RORA: variants seen among roughly 807,000 people sequenced by gnomAD.
RORA encodes the protein RAR related orphan receptor A.
A neutral mutation model predicts 69.5 loss-of-function variants in RORA; 7 were observed. The observed-to-expected ratio is 0.10, with a 90% confidence interval of 0.06 to 0.19. The LOEUF (loss-of-function observed/expected upper bound fraction) is 0.19, where lower values mean the gene tolerates loss of function less well. Among genes scored for constraint, RORA ranks in the 10% least tolerant of loss-of-function variants. RORA has a pLI of 1.00. For missense variants in RORA, 457 were observed against 663.0 expected, an observed-to-expected ratio of 0.69 and a Z score of 3.41; for synonymous variants, 261 against 240.8, an observed-to-expected ratio of 1.08 and a Z score of -0.78.
At chr15:61,039,035 A>G (rs1463550558) in intron 1 of RORA, 1 of 152,236 alleles carries the variant, frequency 6.6e-6, no homozygotes, top group Non-Finnish European at 1.5e-5. Flanking sequence ...TGGGAGACTC[A>G]CGGGATATTT....
At chr15:60,558,656 T>G (rs2067442417) in intron 2 of RORA, among the ~76,000 whole-genome samples, 1 of 152,238 alleles carries the variant, frequency 6.6e-6, no homozygotes, top group Admixed American at 6.5e-5. Context: ...GAATACCACC[T>G]TAAAACCTAT....
At chr15:60,733,862 C>G (rs1214680115) in intron 1 of RORA, among the ~76,000 whole-genome samples, 1 of 143,420 alleles carries the variant, frequency 7.0e-6, no homozygotes, top group Non-Finnish European at 1.5e-5. Flanking sequence ...TTGAGTTGCC[C>G]AACTTATGTG....
intron 1 of RORA, among the ~76,000 whole-genome samples, chr15:61,056,848 T>C (rs2078103658): frequency 6.6e-6 from 1 of 152,206 alleles, no homozygotes; most frequent in Admixed American, 6.5e-5. Context: ...CAGATAAAAA[T>C]ACCTGATGTG....
At chr15:60,995,461 G>A (rs1454124185) in intron 1 of RORA, among the ~76,000 whole-genome samples, 2 of 152,162 alleles carry the variant, frequency 1.3e-5, no homozygotes, top group Non-Finnish European at 2.9e-5. Flanking sequence ...CTTGGAAGAA[G>A]CATCTTCCTC....
Position 60,537,268 on chromosome 15 carries a change from A to C in RORA, c.197-5417T>G, listed in dbSNP as rs981815527. ...TCAGGGCTTCTAAAGATGGTCATGC[A>C]GGTTGTGCTCTGCCCAGTGCGGCCT... On this transcript the variant is annotated intron_variant, in intron 2 of 10. Coordinates refer to ENST00000335670, the MANE Select transcript of RORA (RefSeq NM_134261.3). This position sits in a 1 kb window ranked among gnomAD's most constrained non-coding sequence, Gnocchi z 4.9. Among the ~76,000 whole-genome samples, 1 of 152,176 alleles carries C rather than the reference A, an allele frequency of 6.6e-6. No individual in the cohort carries two copies. The highest frequency in any genetic ancestry group is 2.1e-4 in the South Asian group (1 of 4,820).
intron 1 of RORA, among the ~76,000 whole-genome samples, chr15:61,136,769 A>G (rs1267191296): frequency 6.6e-6 from 1 of 152,160 alleles, no homozygotes; most frequent in East Asian, 1.9e-4. Context: ...ATTCCACGGC[A>G]AAGCATTTGA....
chr15:61,137,981 C>T (rs1157359803), intron 1 of RORA, among the ~76,000 whole-genome samples: 4 of 152,156 alleles, frequency 2.6e-5, no homozygotes, highest in African/African-American at 4.8e-5. Flanking sequence ...AAGAGACATA[C>T]AGGGGGCCAT....
intron 1 of RORA, among the ~76,000 whole-genome samples, chr15:60,681,129 A>T (rs2070636443): frequency 6.6e-6 from 1 of 152,234 alleles, no homozygotes; most frequent in South Asian, 2.1e-4. Context: ...TTCTCCATAG[A>T]AGCTCTAGTA....
intron 2 of RORA, among the ~76,000 whole-genome samples, chr15:60,624,513 G>GTA (rs60245502): frequency 0.3 from 32,075 of 108,008 alleles, 4,419 homozygotes; most frequent in East Asian, 0.45. Flanking sequence ...GTATGTGTGT[G>GTA]TATATATATA....
At chr15:60,724,378 G>A (rs966044217) in intron 1 of RORA, among the ~76,000 whole-genome samples, 2 of 152,054 alleles carry the variant, frequency 1.3e-5, no homozygotes, top group Non-Finnish European at 2.9e-5. Context: ...CCCTATCATA[G>A]TAAAGGAAAA....
intron 5 of RORA, among the ~76,000 whole-genome samples, chr15:60,509,366 C>T (rs1423773363): frequency 6.6e-6 from 1 of 152,116 alleles, no homozygotes; most frequent in Non-Finnish European, 1.5e-5. Flanking sequence ...TGAAAAATCC[C>T]TAATTTAAAA....
intron 2 of RORA, among the ~76,000 whole-genome samples, chr15:60,622,234 C>A (rs2069431097): frequency 6.6e-6 from 1 of 152,114 alleles, no homozygotes; most frequent in Non-Finnish European, 1.5e-5. Context: ...ACACTTGCAA[C>A]TTTTCTATAA....
intron 1 of RORA, among the ~76,000 whole-genome samples, chr15:61,010,764 C>T (rs1232641157): frequency 6.6e-6 from 1 of 152,116 alleles, no homozygotes; most frequent in Non-Finnish European, 1.5e-5. Context: ...GTGTTATGCC[C>T]AGTGGACAAT....
intron 1 of RORA, among the ~76,000 whole-genome samples, chr15:60,725,383 T>C (rs2071343798): frequency 6.6e-6 from 1 of 152,238 alleles, no homozygotes; most frequent in South Asian, 2.1e-4. Context: ...GCTTTGTTAG[T>C]TCATGGCACC....
chr15:60,590,244 C>A (rs959488048), intron 2 of RORA, among the ~76,000 whole-genome samples: 1 of 150,662 alleles, frequency 6.6e-6, no homozygotes, highest in Admixed American at 6.6e-5. Flanking sequence ...GCCAGTACTT[C>A]TGAGGCACTT....
At chr15:61,032,040 G>A (rs1486458670) in intron 1 of RORA, among the ~76,000 whole-genome samples, 3 of 152,150 alleles carry the variant, frequency 2.0e-5, no homozygotes, top group Non-Finnish European at 2.9e-5. Flanking sequence ...GTGTCACAAG[G>A]GAAGTACACT....
intron 1 of RORA, among the ~76,000 whole-genome samples, chr15:60,922,922 T>C (rs950257537): frequency 3.3e-5 from 5 of 152,244 alleles, no homozygotes; most frequent in African/African-American, 1.2e-4. Flanking sequence ...CACACATATA[T>C]GCAGAAGAGA....
chr15:60,772,726 G>A (rs2072096841), intron 1 of RORA, among the ~76,000 whole-genome samples: 1 of 152,082 alleles, frequency 6.6e-6, no homozygotes, highest in African/African-American at 2.4e-5. Context: ...CACACGTAGG[G>A]GGCCGTCCTA....
intron 1 of RORA, among the ~76,000 whole-genome samples, chr15:60,831,059 G>A (rs571670023): frequency 6.6e-6 from 1 of 152,210 alleles, no homozygotes; most frequent in Admixed American, 6.5e-5. Flanking sequence ...CTGGAGAGGC[G>A]ATAGTGAAAG....
Sources: allele counts gnomAD v4.1 joint callset (sites outside exome capture counted in the v4.1 genomes callset), GRCh38; gene constraint gnomAD v4.1.1; non-coding constraint Gnocchi (gnomAD v3.1); transcripts MANE v1.5; gene names NCBI Gene and HGNC (gene_info 2026-07-23, HGNC 2026-07-21).